The following CCSER1 variants were observed in gnomAD, a reference collection of about 807,000 sequenced individuals.
The protein encoded by CCSER1 is coiled-coil serine rich protein 1.
In CCSER1, 41 loss-of-function variants were observed where a neutral mutation model predicts 82.0. The ratio of observed to expected loss-of-function variants is 0.50; its 90% CI spans 0.39 to 0.65. The LOEUF (loss-of-function observed/expected upper bound fraction) is 0.65, where lower values mean the gene tolerates loss of function less well. Ranked by LOEUF, CCSER1 falls within the 30% of genes least tolerant of loss-of-function variation. CCSER1 has a pLI of 0.00. For missense variants in CCSER1, 1,119 were observed against 1,064.2 expected (o/e 1.05, Z -0.72); for synonymous variants, 414 against 383.9 (o/e 1.08, Z -0.92).
At position 90,973,757 on chromosome 4, in the gene CCSER1, G is replaced by A. The variant is rs539439832; in HGVS notation, c.2172+50310G>A. ...GCAATAACCAAAGCATGGAAACAAC[G>A]TAAATATCTGCCCGTGGATGAATGG... On this transcript the variant is annotated intron_variant, in intron 9 of 10. Transcript: ENST00000509176. 5.3e-5 allele frequency among the ~76,000 whole-genome samples: 8 copies of A among 151,640 alleles called. No homozygotes were observed. In the East Asian group the frequency reaches 7.8e-4, roughly 15 times the overall value.
intron 10 of CCSER1, among the ~76,000 whole-genome samples, chr4:91,278,485 A>C (rs1742647268): frequency 6.6e-6 from 1 of 151,266 alleles, no homozygotes; most frequent in Non-Finnish European, 1.5e-5. Flanking sequence ...AAGTATAGCT[A>C]CTCCTGATCA....
At position 91,003,068 on chromosome 4, in the gene CCSER1, G is replaced by C. The variant is rs550889342; in HGVS notation, c.2172+79621G>C. ...CTACCAGGCTCCAGGCTGGTACCGG[G>C]GGTTGTCTGCACAGAGTCCTGTGAT... On this transcript the variant is annotated intron_variant, in intron 9 of 10. Transcript: ENST00000509176. Among the ~76,000 whole-genome samples the C allele has an allele frequency of 2.6e-4, 39 of 152,216 alleles. No individual in the cohort carries two copies. The South Asian group carries it at 7.7e-3, about 30-fold the overall frequency.
At chr4:91,584,897 C>T (rs1427267220) in intron 10 of CCSER1, among the ~76,000 whole-genome samples, 1 of 151,232 alleles carries the variant, frequency 6.6e-6, no homozygotes, top group African/African-American at 2.4e-5. Flanking sequence ...TGACACATGT[C>T]TTCCTTCATT....
chr4:91,212,057 T>G (rs1212459187), intron 10 of CCSER1, among the ~76,000 whole-genome samples: 3 of 152,042 alleles, frequency 2.0e-5, no homozygotes, highest in Non-Finnish European at 4.4e-5. Flanking sequence ...GTAAAAATTT[T>G]TAATACCTCC....
intron 4 of CCSER1, among the ~76,000 whole-genome samples, chr4:90,402,600 A>G (rs1753034740): frequency 6.6e-6 from 1 of 152,226 alleles, no homozygotes; most frequent in Non-Finnish European, 1.5e-5. Context: ...TCTATTTTGT[A>G]TATTTTTTGA....
At chr4:91,287,879 T>C (rs918352933) in intron 10 of CCSER1, among the ~76,000 whole-genome samples, 10 of 151,708 alleles carry the variant, frequency 6.6e-5, no homozygotes, top group African/African-American at 2.2e-4. Context: ...GAAGGCAAAT[T>C]CTGAATATTG....
chr4:90,758,539 C>T (rs17017521), intron 7 of CCSER1, among the ~76,000 whole-genome samples: 40,485 of 151,786 alleles, frequency 0.27, 5,993 homozygotes, highest in East Asian at 0.34. Flanking sequence ...ATTCAGATAG[C>T]AGTTTTGAAA....
intron 1 of CCSER1, among the ~76,000 whole-genome samples, chr4:90,278,975 G>A (rs555739706): frequency 6.6e-6 from 1 of 152,140 alleles, no homozygotes; most frequent in African/African-American, 2.4e-5. Context: ...TTTATACCTG[G>A]GAAAGTCCAG....
At chr4:90,324,565 T>C (rs1313199747) in intron 3 of CCSER1, among the ~76,000 whole-genome samples, 2 of 151,082 alleles carry the variant, frequency 1.3e-5, no homozygotes, top group Non-Finnish European at 2.9e-5. Flanking sequence ...AGATTCTGGA[T>C]ATTAGCCGTT....
chr4:90,367,759 C>T (rs185556213), intron 3 of CCSER1, among the ~76,000 whole-genome samples: 7 of 151,316 alleles, frequency 4.6e-5, no homozygotes, highest in South Asian at 2.1e-4. Context: ...GAAAACAGTC[C>T]GGTTGAATGC....
chr4:91,447,288 C>A (rs1163172919), intron 10 of CCSER1, among the ~76,000 whole-genome samples: 1 of 152,062 alleles, frequency 6.6e-6, no homozygotes, highest in African/African-American at 2.4e-5. Context: ...ATAGTTGATT[C>A]TCCCCTTTTC....
chr4:91,112,793 A>G (rs1460287712), intron 10 of CCSER1: 1 of 152,140 alleles, frequency 6.6e-6, no homozygotes, highest in East Asian at 1.9e-4. Context: ...CCTCTCTTCT[A>G]TATTGTTATT....
intron 10 of CCSER1, among the ~76,000 whole-genome samples, chr4:91,333,495 A>G (rs1459842873): frequency 6.6e-6 from 1 of 152,002 alleles, no homozygotes; most frequent in East Asian, 1.9e-4. Context: ...TCCTCTCTCC[A>G]TTATATAGGG....
intron 9 of CCSER1, among the ~76,000 whole-genome samples, chr4:91,055,779 TCTCC>T (rs931173249): frequency 3.7e-5 from 5 of 136,538 alleles, no homozygotes; most frequent in South Asian, 2.7e-4. Flanking sequence ...TCTATACCTC[TCTCC>T]CTCCCTCCCT....
intron 5 of CCSER1, among the ~76,000 whole-genome samples, chr4:90,535,833 T>C (rs951678085): frequency 1.3e-5 from 2 of 152,158 alleles, no homozygotes; most frequent in Admixed American, 1.3e-4. Context: ...GCATAACTTA[T>C]ATTTTTAAAA....
At chr4:91,440,276 C>T (rs78870753) in intron 10 of CCSER1, among the ~76,000 whole-genome samples, 3,336 of 152,152 alleles carry the variant, frequency 0.022, 54 homozygotes, top group Non-Finnish European at 0.033. Context: ...TCTCAGACCA[C>T]AGTGCAATCA....
Position 90,275,922 on chromosome 4 carries a change from G to C in CCSER1, c.-41-32322G>C, listed in dbSNP as rs10024466. 6.2e-3 allele frequency among the ~76,000 whole-genome samples: 950 copies of C among 152,220 alleles called. 8 individuals carry two copies. Among genetic ancestry groups the C allele is most frequent in the African/African-American group, 0.022 (923 of 41,550 alleles). ...CTTTGTGAAATATAAATTAAAATTA[G>C]TAATCTAAATTTTATATACTGAAAT... On this transcript the variant is annotated intron_variant, in intron 1 of 10. Coordinates refer to ENST00000509176, the MANE Select transcript of CCSER1 (RefSeq NM_001145065.2).
chr4:91,589,028 T>C (rs756458890), intron 10 of CCSER1, among the ~76,000 whole-genome samples: 1 of 151,874 alleles, frequency 6.6e-6, no homozygotes, highest in Non-Finnish European at 1.5e-5. Context: ...TTGTTTGTAC[T>C]ATCCTCCAAA....
At chr4:91,146,695 C>T (rs938587102) in intron 10 of CCSER1, among the ~76,000 whole-genome samples, 12 of 150,966 alleles carry the variant, frequency 7.9e-5, no homozygotes, top group Non-Finnish European at 1.5e-4. Context: ...TTTATTTCTT[C>T]GAGCTTTCAG....
Sources: gnomAD v4.1 joint callset for allele counts (sites outside exome capture counted in the v4.1 genomes callset) on GRCh38, gnomAD v4.1.1 for gene constraint, MANE v1.5 for transcripts, NCBI Gene and HGNC (gene_info 2026-07-23, HGNC 2026-07-21) for gene names.